Variants in LTBP1 observed in about 807,000 individuals in gnomAD.
The protein encoded by LTBP1 is latent-transforming growth factor beta-binding protein 1.
In LTBP1, 129 loss-of-function variants were observed where a neutral mutation model predicts 207.6. The ratio of observed to expected loss-of-function variants is 0.62; its 90% CI spans 0.54 to 0.72. The LOEUF (loss-of-function observed/expected upper bound fraction) is 0.72, where lower values mean the gene tolerates loss of function less well. LTBP1 is among the 30% of genes least tolerant of loss of function. LTBP1 has a pLI of 0.00. For missense variants in LTBP1, 2,281 were observed against 2,217.2 expected, an observed-to-expected ratio of 1.03 and a Z score of -0.58; for synonymous variants, 963 against 833.7, an observed-to-expected ratio of 1.16 and a Z score of -2.67.
At chr2:32,981,825 C>T (rs1469018289) in intron 2 of LTBP1, among the ~76,000 whole-genome samples, 1 of 152,196 alleles carries the variant, frequency 6.6e-6, no homozygotes, top group Non-Finnish European at 1.5e-5. Flanking sequence ...TTCATGCCTG[C>T]TGCCATGTAA....
intron 3 of LTBP1, among the ~76,000 whole-genome samples, chr2:33,080,950 G>T (rs375203788): frequency 2.6e-5 from 4 of 152,192 alleles, no homozygotes; most frequent in African/African-American, 4.8e-5. Context: ...AGAGAAAAGC[G>T]TATAGATTTA....
At chr2:33,177,374 G>A (rs1375244591) in intron 5 of LTBP1, among the ~76,000 whole-genome samples, 1 of 152,226 alleles carries the variant, frequency 6.6e-6, no homozygotes, top group Non-Finnish European at 1.5e-5. Context: ...ACAAGGCTGA[G>A]CGTGGTGGCT....
At chr2:33,176,181 T>C (rs190009146) in intron 5 of LTBP1, among the ~76,000 whole-genome samples, 11 of 151,742 alleles carry the variant, frequency 7.2e-5, no homozygotes, top group African/African-American at 2.7e-4. Flanking sequence ...AAATAGAAAA[T>C]AAATAAAAAG....
chr2:33,200,698 A>C (rs1245173874), intron 7 of LTBP1, among the ~76,000 whole-genome samples: 1 of 152,172 alleles, frequency 6.6e-6, no homozygotes, highest in Non-Finnish European at 1.5e-5. Flanking sequence ...CAACCTACAA[A>C]ATGGGAGAAA....
At chr2:33,062,591 C>A (rs1437468944) in intron 3 of LTBP1, among the ~76,000 whole-genome samples, 1 of 152,044 alleles carries the variant, frequency 6.6e-6, no homozygotes, top group African/African-American at 2.4e-5. Flanking sequence ...CACCTTTTAT[C>A]AAAAAATCAG....
chr2:33,082,480 G>A (rs1174432045), intron 3 of LTBP1, among the ~76,000 whole-genome samples: 1 of 116,722 alleles, frequency 8.6e-6, no homozygotes, highest in Non-Finnish European at 1.6e-5. Context: ...AAGGAGTCTC[G>A]CTCTGTTGCC....
At chr2:33,226,931 A>G (rs964088592) in intron 9 of LTBP1, among the ~76,000 whole-genome samples, 4 of 152,088 alleles carry the variant, frequency 2.6e-5, no homozygotes, top group African/African-American at 7.2e-5. Flanking sequence ...CTATCTAAAC[A>G]TCTTTGTCTG....
rs550839552 is a variant in LTBP1 at position 33,379,196 on chromosome 2, CTTTT to C, written c.4712-9968_4712-9965del. 2.2e-3 allele frequency among the ~76,000 whole-genome samples: 236 copies of C among 108,526 alleles called. 1 individual carries two copies. Among genetic ancestry groups the C allele is most frequent in the African/African-American group, 6.4e-3 (184 of 28,578 alleles). The allele number at this position is 108,526 out of a possible 152,430, so 71.2% of individuals were successfully genotyped here. On this transcript the variant is annotated intron_variant, in intron 31 of 33. Coordinates refer to ENST00000404816, the MANE Select transcript of LTBP1 (RefSeq NM_206943.4). Reference sequence around the variant, plus strand: ...AAAGTAATTTCAGTTTTTGCCATTGCTTTTTTTTTTTTTTTTTTTTTTTCTTTTT... The same window carrying C: ...AAAGTAATTTCAGTTTTTGCCATTGCTTTTTTTTTTTTTTTTTTTCTTTTT...
At chr2:33,347,262 C>T (rs2094716530) in intron 25 of LTBP1, 105 bp from the exon 26 acceptor site, 6 of 1,281,268 alleles carry the variant, frequency 4.7e-6, no homozygotes, top group Admixed American at 2.0e-5. Flanking sequence ...CTCTGGGGAT[C>T]GCCTTCTTTT....
chr2:33,181,992 AG>A (rs1292169442), intron 5 of LTBP1, among the ~76,000 whole-genome samples: 2 of 152,340 alleles, frequency 1.3e-5, no homozygotes, highest in East Asian at 3.9e-4. Flanking sequence ...CCTGCCACAA[AG>A]GGTTCAATAC....
intron 9 of LTBP1, among the ~76,000 whole-genome samples, chr2:33,225,796 T>C (rs1038864760): frequency 6.7e-6 from 1 of 148,640 alleles, no homozygotes; most frequent in Non-Finnish European, 1.5e-5. Context: ...TGAGATCAAC[T>C]TTTTTTTGCT....
chr2:33,397,344 G>C, intron 33 of LTBP1, 62 bp downstream of exon 33: 1 of 1,570,568 alleles, frequency 6.4e-7, no homozygotes, highest in Non-Finnish European at 8.7e-7. Context: ...ATCTCAGTCA[G>C]TAGAGAACAT....
chr2:33,112,302 G>A (rs187639397), intron 4 of LTBP1, among the ~76,000 whole-genome samples: 3 of 152,294 alleles, frequency 2.0e-5, no homozygotes, highest in African/African-American at 7.2e-5. Flanking sequence ...CCACCCTCGT[G>A]TGTATATATG....
At chr2:32,957,426 G>A (rs1444869064) in intron 2 of LTBP1, among the ~76,000 whole-genome samples, 3 of 152,092 alleles carry the variant, frequency 2.0e-5, no homozygotes, top group Admixed American at 6.6e-5. Context: ...TTTCAATATT[G>A]TTGTGTCTCA....
At chr2:33,063,841 G>A (rs1333065091) in intron 3 of LTBP1, among the ~76,000 whole-genome samples, 3 of 146,556 alleles carry the variant, frequency 2.0e-5, no homozygotes, top group Non-Finnish European at 4.5e-5. Flanking sequence ...ATATTTCTAA[G>A]TATTGTATAT....
chr2:33,297,399 CTTTATTTA>C (rs58504404), intron 20 of LTBP1, among the ~76,000 whole-genome samples: 74,354 of 140,118 alleles, frequency 0.53, 20,761 homozygotes, highest in Non-Finnish European at 0.62. Context: ...TAATATACTG[CTTTATTTA>C]TTTATTTATT....
chr2:33,286,092 G>C (rs898690675), intron 19 of LTBP1, among the ~76,000 whole-genome samples: 13 of 152,152 alleles, frequency 8.5e-5, no homozygotes, highest in African/African-American at 3.1e-4. Context: ...CTAGCCTTTT[G>C]GGGGTTGTCT....
At chr2:33,119,407 G>T (rs1466761099) in intron 4 of LTBP1, among the ~76,000 whole-genome samples, 2 of 152,108 alleles carry the variant, frequency 1.3e-5, no homozygotes, top group Non-Finnish European at 2.9e-5. Context: ...GCAAAATACT[G>T]CTCATGAGAT....
rs1285349950 is a variant in LTBP1, at chr2:33,398,825, G to T, written c.*280G>T. 1.7e-5 allele frequency: 4 copies of T among 237,668 alleles called. No individual in the cohort carries two copies. The highest frequency in any genetic ancestry group is 1.1e-4 in the Admixed American group (2 of 17,810). 14.7% of individuals were successfully genotyped at this position (237,668 alleles called of 1,614,324 possible). On this transcript the variant is annotated 3_prime_UTR_variant, in exon 34 of 34. Coordinates refer to ENST00000404816, the MANE Select transcript of LTBP1 (RefSeq NM_206943.4). ...ACAGTGCTGTTATTTTAAACAGAAG[G>T]TTGTATTATTATGTTGTTTTGTTTT...
Sources: gnomAD v4.1 joint callset for allele counts (sites outside exome capture counted in the v4.1 genomes callset) on GRCh38, gnomAD v4.1.1 for gene constraint, MANE v1.5 for transcripts, NCBI Gene and HGNC (gene_info 2026-07-23, HGNC 2026-07-21) for gene names.